Variants in BOD1L1 observed in about 807,000 individuals in gnomAD.
BOD1L1 encodes the protein biorientation of chromosomes in cell division protein 1-like 1.
BOD1L1 carries 86 observed loss-of-function variants against 240.7 expected under a neutral mutation model. The observed-to-expected ratio is 0.36, with a 90% CI of 0.30 to 0.43. The LOEUF (loss-of-function observed/expected upper bound fraction) is 0.43. Among genes scored for constraint, BOD1L1 ranks in the 20% least tolerant of loss-of-function variants. The probability of loss-of-function intolerance (pLI) is 1.00; values close to 1 mark genes in which losing one functional copy is unlikely to be tolerated. For synonymous variants in BOD1L1, 1,268 were observed against 1,272.3 expected (o/e 1.00, Z 0.07); for missense variants, 3,554 against 3,643.5 (o/e 0.98, Z 0.63).
intron 6 of BOD1L1, among the ~76,000 whole-genome samples, chr4:13,610,245 A>ATTTTTTTTTT (rs1716053099): frequency 2.0e-5 from 3 of 152,238 alleles, no homozygotes; most frequent in African/African-American, 7.2e-5. Context: ...TCAGTGGTAC[A>ATTTTTTTTTT]TTTTATAATT....
In BOD1L1 at chr4:13,627,543, C is replaced by G. The variant is rs1275487839; in HGVS notation, c.45G>C (p.Pro15=). ...GCGGCTGCGGCTGCGGCGGGGGAGG[C>G]GGCGGCGCCGGAGGAGGCGGCTGCG... ...PQPQPPPPAP[P]PPPPQPQPQP... The change falls in exon 1 of 26, where the codon CCG becomes CCC. Residue 15 remains proline (P), a synonymous_variant. Transcript: ENST00000040738. 2 of 1,130,450 alleles carry G rather than the reference C, an allele frequency of 1.8e-6. No individual in the cohort carries two copies. Among genetic ancestry groups the G allele is most frequent in the African/African-American group, 1.6e-5 (1 of 60,920 alleles). The allele number at this position is 1,130,450 out of a possible 1,614,324, so 70.0% of individuals were successfully genotyped here.
In BOD1L1 at chr4:13,608,559, G is replaced by C; in HGVS notation, c.1713C>G (p.Ala571=). The C allele has an allele frequency of 6.5e-7, 1 of 1,542,868 alleles. No homozygotes were observed. Among genetic ancestry groups the C allele is most frequent in the African/African-American group, 1.4e-5 (1 of 71,768 alleles). The change falls in exon 8 of 26, where the codon GCC becomes GCG. Residue 571 remains alanine, a synonymous_variant. Transcript: ENST00000040738. ...KERKVLEKKV[A]LSKKRKKDSR... is the part of the protein sequence containing the mutation. ...AATCTTTTTTTCTCTTTTTGCTTAA[G>C]GCTACTTTTTTTTCTAAAACTTTCC...
In BOD1L1 at chr4:13,604,401, A is replaced by C. The variant is rs1305452893; in HGVS notation, c.2499T>G (p.Ala833=). The C allele has an allele frequency of 6.3e-7, 1 of 1,576,772 alleles. No homozygotes were observed. Among genetic ancestry groups the C allele is most frequent in the Non-Finnish European group, 8.5e-7 (1 of 1,170,538 alleles). The part of the protein sequence containing the change: ...ENNKKERRLS[A]EKTKAEHKSR... ...ATTTGTGCTCTGCCTTAGTTTTTTC[A>C]GCTGACAAGCGTCTCTCTTTTTTGT... The change falls in exon 10 of 26, where the codon GCT becomes GCG. Residue 833 remains alanine (A), a synonymous_variant. Coordinates refer to ENST00000040738, the MANE Select transcript of BOD1L1 (RefSeq NM_148894.3).
At chr4:13,625,540 GTACAT>G (rs568716403) in intron 1 of BOD1L1, 10 of 152,250 alleles carry the variant, frequency 6.6e-5, no homozygotes, top group Admixed American at 5.9e-4. Context: ...CATTGCAGCA[GTACAT>G]TACAATTTTT....
Position 13,586,467 on chromosome 4 carries a change from G to T in BOD1L1, c.8362C>A (p.Pro2788Thr). Residue 2788 changes from proline to threonine, a missense_variant, in exon 17 of 26, where the codon CCA becomes ACA. Pro to Thr is a conservative substitution (Grantham distance 38, BLOSUM62 -1). Around this residue, in one of 2 missense-constraint regions of BOD1L1, gnomAD observed 3,393 missense variants for 3,427.1 expected, o/e 0.99. Transcript: ENST00000040738. ...TCTATTCTGGAATCCAGGACATCTG[G>T]ATTATCATCTGTAAATCAGTTTAGA... ...LSSEDEPDDN[P>T]DVLDSRIETA... 6.2e-7 allele frequency: 1 copy of T among 1,606,288 alleles called. No individual in the cohort carries two copies. The highest frequency in any genetic ancestry group is 1.7e-5 in the Admixed American group (1 of 59,646).
chr4:13,580,993 A>C, intron 21 of BOD1L1, 27 bp downstream of exon 21: 1 of 1,559,894 alleles, frequency 6.4e-7, no homozygotes, highest in Non-Finnish European at 8.7e-7. Context: ...CAAGTATTTG[A>C]AATTGTCATG....
rs771463247 is a variant in BOD1L1, at chr4:13,599,476, C to G, written c.7424G>C (p.Ser2475Thr). 6.2e-7 allele frequency: 1 copy of G among 1,613,998 alleles called. No individual in the cohort carries two copies. Among genetic ancestry groups the G allele is most frequent in the East Asian group, 2.2e-5 (1 of 44,882 alleles). Residue 2475 changes from serine (S) to threonine (T), a missense_variant, in exon 10 of 26, where the codon AGC becomes ACC. This residue lies in a region of BOD1L1 where 3,393 missense variants were observed against 3,427.1 expected (regional missense o/e 0.99). Transcript: ENST00000040738. The stretch of plus-strand genomic sequence containing the variant: ...GCCCCCTGCTGTCCCTGTCTCTGGG[C>G]TCTTATCTTCTTTCTGAAGGGAGTT... ...LLNSLQKEDK[S>T]PETGTAGGSS...
At chr4:13,626,540 C>T (rs1717409031) in intron 1 of BOD1L1, among the ~76,000 whole-genome samples, 2 of 152,162 alleles carry the variant, frequency 1.3e-5, no homozygotes, top group Non-Finnish European at 2.9e-5. Flanking sequence ...GCCAATCCAG[C>T]TAAGTTTACT....
chr4:13,613,512 C>T lies in BOD1L1; in HGVS notation c.1324G>A (p.Asp442Asn). ...SMEEGEITSD[D>N]EEKNKQNKTK... Reference sequence around the variant, plus strand: ...GGCATTATTATGTAAAATGCTTTACCATCTGACGTAATCTCTCCTTCTTCC... The same window carrying T: ...GGCATTATTATGTAAAATGCTTTACTATCTGACGTAATCTCTCCTTCTTCC... Residue 442 changes from aspartate to asparagine, a missense_variant and splice_region_variant, in exon 5 of 26, where the codon GAT becomes AAT. By Grantham distance (23) the Asp-to-Asn change is conservative. Coordinates refer to ENST00000040738, the MANE Select transcript of BOD1L1 (RefSeq NM_148894.3). This position sits in a 1 kb window ranked among gnomAD's most constrained non-coding sequence, Gnocchi z 4.0. The T allele has an allele frequency of 6.2e-7, 1 of 1,609,702 alleles. No individual in the cohort carries two copies. The highest frequency in any genetic ancestry group is 8.5e-7 in the Non-Finnish European group (1 of 1,177,396).
chr4:13,600,883 C>T lies in BOD1L1; in HGVS notation c.6017G>A (p.Gly2006Asp), dbSNP rs756018742. ...DTTISTGLVG[G>D]SYDVLVSGEV... is the part of the protein sequence containing the mutation. ...ACCAGATACAAGAACATCGTAACTA[C>T]CCCCGACCAGGCCAGTGGAAATAGT... The change falls in exon 10 of 26, where the codon GGT becomes GAT. Residue 2006 changes from glycine to aspartate, a missense_variant. Transcript: ENST00000040738. 2 of 1,613,926 alleles carry T rather than the reference C, an allele frequency of 1.2e-6. No individual in the cohort carries two copies. Among genetic ancestry groups the T allele is most frequent in the Non-Finnish European group, 1.7e-6 (2 of 1,179,860 alleles).
rs992240346 is a variant in BOD1L1, at chr4:13,595,723, T to A, written c.8104+137A>T. On this transcript the variant is annotated intron_variant, in intron 12 of 25. Transcript: ENST00000040738. The stretch of plus-strand genomic sequence containing the variant: ...AAATAAAATAGTAAAGAATTCTCCC[T>A]AATCTATTTTAAAAAGTGAGAGGCA... 3 of 603,460 alleles carry A rather than the reference T, an allele frequency of 5.0e-6. No individual in the cohort carries two copies. The African/African-American group carries it at 5.7e-5, about 11-fold the overall frequency. 37.4% of individuals were successfully genotyped at this position (603,460 alleles called of 1,614,324 possible). A position where few individuals can be genotyped will look rare whatever the true frequency, so the allele number is the denominator to read the frequency against.
Position 13,600,848 on chromosome 4 carries a change from C to A in BOD1L1, c.6052G>T (p.Glu2018Ter), listed in dbSNP as rs1244171601. 6.2e-7 allele frequency: 1 copy of A among 1,613,816 alleles called. No individual in the cohort carries two copies. Among genetic ancestry groups the A allele is most frequent in the Admixed American group, 1.7e-5 (1 of 59,994 alleles). ...YDVLVSGEVPECEVAHTSPSE... is the reference protein window; with the variant it reads ...YDVLVSGEVP The stretch of plus-strand genomic sequence containing the variant: ...GGTGATGTGTGAGCAACTTCACATT[C>A]TGGGACTTCACCAGATACAAGAACA... Residue 2018 changes from glutamate (E) to a stop codon, truncating the protein, a stop_gained, in exon 10 of 26, where the codon GAA becomes TAA. Transcript: ENST00000040738. LOFTEE classifies it high-confidence loss of function.
At chr4:13,588,305 C>A (rs926382270) in intron 15 of BOD1L1, among the ~76,000 whole-genome samples, 6 of 152,084 alleles carry the variant, frequency 3.9e-5, no homozygotes, top group African/African-American at 1.2e-4. Context: ...ACAACACATG[C>A]TGTTTCTAGC....
chr4:13,622,151 C>T (rs774622574), intron 1 of BOD1L1, among the ~76,000 whole-genome samples: 8 of 152,174 alleles, frequency 5.3e-5, no homozygotes, highest in Non-Finnish European at 1.0e-4. Context: ...AGGTGTCAGC[C>T]ACCATACCCA....
intron 3 of BOD1L1, 58 bp downstream of exon 3, chr4:13,615,254 T>C (rs1716496403): frequency 1.4e-6 from 2 of 1,460,104 alleles, no homozygotes; most frequent in African/African-American, 1.4e-5. Flanking sequence ...TATCCCTAAC[T>C]TGATATTCAG....
At chr4:13,586,742 G>C (rs1057053619) in intron 16 of BOD1L1, among the ~76,000 whole-genome samples, 1 of 152,186 alleles carries the variant, frequency 6.6e-6, no homozygotes, top group African/African-American at 2.4e-5. Flanking sequence ...GAAGGGCTTA[G>C]CGTATAGTTT....
At position 13,600,233 on chromosome 4, in the gene BOD1L1, T is replaced by C; in HGVS notation, c.6667A>G (p.Ile2223Val). The C allele has an allele frequency of 6.2e-7, 1 of 1,614,038 alleles. No individual in the cohort carries two copies. Among genetic ancestry groups the C allele is most frequent in the Non-Finnish European group, 8.5e-7 (1 of 1,179,898 alleles). ...ACAGAAGCCTCACATTCTTCTGCTA[T>C]GCTAGTGGAAATGAGAGCACATTCA... ...KDECALISTSIAEECEASVSG... is the reference protein window; with the variant it reads ...KDECALISTSVAEECEASVSG... The change falls in exon 10 of 26, where the codon ATA becomes GTA. Residue 2223 changes from isoleucine to valine, a missense_variant. This residue lies in a region of BOD1L1 where 3,393 missense variants were observed against 3,427.1 expected (regional missense o/e 0.99). Coordinates refer to ENST00000040738, the MANE Select transcript of BOD1L1 (RefSeq NM_148894.3).
rs529471933 is a variant in BOD1L1, at chr4:13,599,300, T to A, written c.7600A>T (p.Ile2534Leu). ...RYLAAVNTGA[I>L]KADDMPPVQG... ...ACAGGTGGCATGTCATCAGCTTTTATAGCACCGGTGTTTACTGCTGCCAAA... is the reference window on the plus strand; with the variant it reads ...ACAGGTGGCATGTCATCAGCTTTTAAAGCACCGGTGTTTACTGCTGCCAAA... The change falls in exon 10 of 26, where the codon ATA becomes TTA. Residue 2534 changes from isoleucine (I) to leucine (L), a missense_variant. By Grantham distance (5) the Ile-to-Leu change is conservative. Transcript: ENST00000040738. 6.2e-7 allele frequency: 1 copy of A among 1,613,842 alleles called. No individual in the cohort carries two copies. Among genetic ancestry groups the A allele is most frequent in the East Asian group, 2.2e-5 (1 of 44,886 alleles).
intron 25 of BOD1L1, among the ~76,000 whole-genome samples, chr4:13,576,382 T>C (rs1712742597): frequency 6.6e-6 from 1 of 152,110 alleles, no homozygotes; most frequent in South Asian, 2.1e-4. Flanking sequence ...ATGGTCAAAT[T>C]TGGGCACTTT....
Sources: allele counts gnomAD v4.1 joint callset (sites outside exome capture counted in the v4.1 genomes callset), GRCh38; gene constraint gnomAD v4.1.1; regional missense constraint gnomAD v4.1.1; non-coding constraint Gnocchi (gnomAD v3.1); transcripts MANE v1.5; gene names NCBI Gene and HGNC (gene_info 2026-07-23, HGNC 2026-07-21).